Variants in ZNF331 observed in about 807,000 individuals in gnomAD.
ZNF331 encodes C2H2-like zinc finger protein rearranged in thyroid adenomas.
In ZNF331, 2 loss-of-function variants were observed where a neutral mutation model predicts 7.0. The ratio of observed to expected loss-of-function variants is 0.29; its 90% CI spans 0.12 to 0.90. The LOEUF (loss-of-function observed/expected upper bound fraction) is 0.90. Among genes scored for constraint, ZNF331 ranks in the 40% least tolerant of loss-of-function variants. The probability of loss-of-function intolerance (pLI) is 0.58; values close to 1 mark genes in which losing one functional copy is unlikely to be tolerated. For synonymous variants in ZNF331, 196 were observed against 205.4 expected (o/e 0.95, Z 0.39); for missense variants, 432 against 587.7 (o/e 0.74, Z 2.74).
intron 2 of ZNF331, among the ~76,000 whole-genome samples, chr19:53,525,708 T>G (rs2087268341): frequency 6.6e-6 from 1 of 152,236 alleles, no homozygotes; most frequent in African/African-American, 2.4e-5. Flanking sequence ...TTTTAGGGTT[T>G]TTTATATGTA....
At chr19:53,553,143 T>G (rs2089120472) in intron 2 of ZNF331, among the ~76,000 whole-genome samples, 1 of 152,174 alleles carries the variant, frequency 6.6e-6, no homozygotes, top group Admixed American at 6.6e-5. Flanking sequence ...TGCCATTATA[T>G]AACAGACTAA....
rs769776586 is a variant in ZNF331, at chr19:53,577,760, A to G, written c.1200A>G (p.Lys400=). ...TCATTTATGGATCGAGCCTCGTGAA[A>G]CATGAGAGAATTCATACCGGGGTGA... ...KAFIYGSSLV[K]HERIHTGVKP... The change falls in exon 6 of 6, where the codon AAA becomes AAG. Residue 400 remains lysine (K), a synonymous_variant. Coordinates refer to ENST00000449416, the MANE Select transcript of ZNF331 (RefSeq NM_001079906.2). 6 of 1,613,858 alleles carry G rather than the reference A, an allele frequency of 3.7e-6. No individual in the cohort carries two copies. Among genetic ancestry groups the G allele is most frequent in the African/African-American group, 1.3e-5 (1 of 74,930 alleles).
chr19:53,551,608 A>T (rs2089014450), intron 2 of ZNF331, among the ~76,000 whole-genome samples: 1 of 152,168 alleles, frequency 6.6e-6, no homozygotes, highest in Admixed American at 6.5e-5. Flanking sequence ...CCTTGGAATG[A>T]GTTCTGCATC....
intron 2 of ZNF331, among the ~76,000 whole-genome samples, chr19:53,551,169 C>T (rs945956121): frequency 2.0e-5 from 3 of 152,084 alleles, no homozygotes; most frequent in African/African-American, 7.2e-5. Context: ...AACTTTCACT[C>T]CTTATAACGG....
chr19:53,544,396 T>A (rs2147355685), intron 2 of ZNF331, among the ~76,000 whole-genome samples: 2 of 147,828 alleles, frequency 1.4e-5, no homozygotes. Context: ...ATACAAAAAA[T>A]TAGCCGGGCG....
chr19:53,540,485 C>A (rs963663063), intron 2 of ZNF331, among the ~76,000 whole-genome samples: 1 of 151,958 alleles, frequency 6.6e-6, no homozygotes, highest in Non-Finnish European at 1.5e-5. Flanking sequence ...CATGCTGGAG[C>A]GCAGTGGCAC....
intron 2 of ZNF331, among the ~76,000 whole-genome samples, chr19:53,551,185 A>G (rs557750038): frequency 6.6e-6 from 1 of 152,298 alleles, no homozygotes; most frequent in East Asian, 1.9e-4. Context: ...AACGGGATTA[A>G]TGCAGGCCAA....
chr19:53,566,419 A>C (rs1411474313), intron 3 of ZNF331, among the ~76,000 whole-genome samples: 1 of 151,976 alleles, frequency 6.6e-6, no homozygotes, highest in Non-Finnish European at 1.5e-5. Context: ...CAGCCTCCCA[A>C]GTAGCTGGGT....
At chr19:53,536,311 A>G (rs996793427), upstream of ZNF331, 4 of 151,808 alleles carry the variant, frequency 2.6e-5, no homozygotes, top group Admixed American at 6.6e-5. Context: ...ACATTGTACT[A>G]TCTTTCTTGT....
rs1019479501 is a variant in ZNF331 at position 53,573,312 on chromosome 19, C to T, written c.136+1582C>T. On this transcript the variant is annotated intron_variant, in intron 5 of 5. Transcript: ENST00000449416. The surrounding 1 kb of genome is among the most constrained non-coding windows in gnomAD (Gnocchi z 4.2). ...CAGACGGATCACGAAGATAGGAGTT[C>T]GAGACCAGCTTGGCCAACAGAGTGA... Among the ~76,000 whole-genome samples, 15 of 149,916 alleles carry T rather than the reference C, an allele frequency of 1.0e-4. No individual in the cohort carries two copies. The highest frequency in any genetic ancestry group is 3.2e-4 in the African/African-American group (13 of 40,788).
At chr19:53,522,253 T>TTTC (rs2087113104) in intron 1 of ZNF331, among the ~76,000 whole-genome samples, 2 of 133,636 alleles carry the variant, frequency 1.5e-5, no homozygotes, top group Admixed American at 1.4e-4. Flanking sequence ...ATTTTCTTTC[T>TTTC]TTGTTTTTTT....
chr19:53,503,432 G>T, the ZNF331 span: 1 of 588,080 alleles, frequency 1.7e-6, no homozygotes, highest in Non-Finnish European at 3.0e-6. Context: ...TCTTCTTATC[G>T]CAGACTGTAC....
intron 1 of ZNF331, 169 bp downstream of exon 1, chr19:53,538,465 T>G (rs2087890574): frequency 6.6e-6 from 1 of 152,290 alleles, no homozygotes; most frequent in African/African-American, 2.4e-5. Flanking sequence ...ACCTCGGCGG[T>G]GCGTCCCTGG....
At chr19:53,533,266 T>C (rs986131180), upstream of ZNF331, among the ~76,000 whole-genome samples, 1 of 152,212 alleles carries the variant, frequency 6.6e-6, no homozygotes, top group African/African-American at 2.4e-5. Flanking sequence ...GTACTTATCA[T>C]GTTGTTTAAT....
upstream of ZNF331, among the ~76,000 whole-genome samples, chr19:53,537,906 G>A (rs937796003): frequency 2.6e-5 from 4 of 151,896 alleles, no homozygotes; most frequent in African/African-American, 4.8e-5. Flanking sequence ...GCATCTGTGC[G>A]TGCGCACACG....
At chr19:53,564,047 A>G (rs2090032265) in intron 3 of ZNF331, among the ~76,000 whole-genome samples, 1 of 146,512 alleles carries the variant, frequency 6.8e-6, no homozygotes, top group South Asian at 2.1e-4. Flanking sequence ...AAAAAAAAAA[A>G]AAAAAAAAGA....
chr19:53,553,883 C>T (rs2089179074), intron 2 of ZNF331, among the ~76,000 whole-genome samples: 1 of 152,178 alleles, frequency 6.6e-6, no homozygotes, highest in African/African-American at 2.4e-5. Flanking sequence ...GGTGACACAG[C>T]CCCTCTCCCA....
Position 53,577,877 on chromosome 19 carries a change from CG to C in ZNF331, c.1318del (p.Glu440AsnfsTer12), listed in dbSNP as rs2090792372. ...QKTHSGAKSY[E>X]CKECGKACNH... ...AAACGCACAGTGGGGCGAAATCCTA[CG>C]AATGTAAGGAGTGCGGGAAGGCATG... is the stretch of plus-strand genomic sequence containing the variant. On this transcript the variant is annotated frameshift_variant, in exon 6 of 6. Coordinates refer to ENST00000449416, the MANE Select transcript of ZNF331 (RefSeq NM_001079906.2). LOFTEE classifies it low-confidence loss of function (END_TRUNC). 3 of 1,613,758 alleles carry C rather than the reference CG, an allele frequency of 1.9e-6. No individual in the cohort carries two copies. Among genetic ancestry groups the C allele is most frequent in the African/African-American group, 1.3e-5 (1 of 74,998 alleles).
At chr19:53,572,178 TG>T (rs1379925791) in intron 5 of ZNF331, among the ~76,000 whole-genome samples, 1 of 152,184 alleles carries the variant, frequency 6.6e-6, no homozygotes, top group Non-Finnish European at 1.5e-5. Context: ...ACAGAATTTG[TG>T]TAAAACCAAA....
Sources: gnomAD v4.1 joint callset for allele counts (sites outside exome capture counted in the v4.1 genomes callset) on GRCh38, gnomAD v4.1.1 for gene constraint, Gnocchi (gnomAD v3.1) non-coding constraint, MANE v1.5 for transcripts, NCBI Gene and HGNC (gene_info 2026-07-23, HGNC 2026-07-21) for gene names.